CDH4: variants seen among roughly 807,000 people sequenced by gnomAD.
The protein encoded by CDH4 is cadherin-4.
Under a neutral mutation model 86.0 loss-of-function variants are expected in CDH4, and 33 were observed. That is an observed-to-expected ratio of 0.38 (90% confidence interval 0.29 to 0.51). The LOEUF (loss-of-function observed/expected upper bound fraction) is 0.51. Among genes scored for constraint, CDH4 ranks in the 20% least tolerant of loss-of-function variants. CDH4 has a pLI of 0.86. For synonymous variants in CDH4, 555 were observed against 549.4 expected, an observed-to-expected ratio of 1.01 and a Z score of -0.14; for missense variants, 1,114 against 1,307.4, an observed-to-expected ratio of 0.85 and a Z score of 2.28.
In CDH4 at chr20:61,934,150, G is replaced by A; in HGVS notation, c.2474G>A (p.Gly825Asp). 6.2e-7 allele frequency: 1 copy of A among 1,609,970 alleles called. No homozygotes were observed. Among genetic ancestry groups the A allele is most frequent in the Non-Finnish European group, 8.5e-7 (1 of 1,178,390 alleles). The change falls in exon 15 of 16, where the codon GGC (glycine) becomes GAC (aspartate). Residue 825 changes from glycine (G) to aspartate (D), a missense_variant. Coordinates refer to ENST00000614565, the MANE Select transcript of CDH4 (RefSeq NM_001794.5). ...GVRRVDERPV[G>D]AEPQYPIRPM... The stretch of plus-strand genomic sequence containing the variant: ...CGTCGCGTGGATGAGCGGCCGGTGG[G>A]CGCTGAGCCCCAGTACCCGATCAGG...
At chr20:61,788,153 C>T (rs527492480) in intron 4 of CDH4, among the ~76,000 whole-genome samples, 2 of 152,312 alleles carry the variant, frequency 1.3e-5, no homozygotes, top group Middle Eastern at 3.4e-3. Flanking sequence ...TTTAATGTCC[C>T]GCCCAGTAAA....
intron 2 of CDH4, among the ~76,000 whole-genome samples, chr20:61,711,006 C>T (rs944154729): frequency 1.3e-5 from 2 of 152,140 alleles, no homozygotes; most frequent in African/African-American, 4.8e-5. Context: ...TTGGCTGTGA[C>T]CCCACCCAAA....
At chr20:61,297,720 T>C (rs1267202044) in intron 2 of CDH4, among the ~76,000 whole-genome samples, 1 of 152,260 alleles carries the variant, frequency 6.6e-6, no homozygotes, top group Non-Finnish European at 1.5e-5. Flanking sequence ...TGCAGCGCAC[T>C]TTCCTGCCCT....
rs543558137 is a variant in CDH4 at position 61,541,999 on chromosome 20, A to G, written c.170-201564A>G. Among the ~76,000 whole-genome samples the G allele has an allele frequency of 5.3e-5, 8 of 152,346 alleles. No individual in the cohort carries two copies. In the South Asian group the frequency reaches 1.0e-3, roughly 20 times the overall value. ...GAGTGGAAGTGGTGCCTGCCACCAC[A>G]TGCCGAACCATTTAACTGACCTTGA... On this transcript the variant is annotated intron_variant, in intron 2 of 15. Transcript: ENST00000614565.
intron 2 of CDH4, among the ~76,000 whole-genome samples, chr20:61,418,282 C>T (rs1289085951): frequency 2.7e-5 from 4 of 150,822 alleles, no homozygotes; most frequent in Non-Finnish European, 5.9e-5. Context: ...ACCATCTCGG[C>T]TCACTGCAAG....
intron 3 of CDH4, among the ~76,000 whole-genome samples, chr20:61,752,417 T>A (rs2088509912): frequency 6.6e-6 from 1 of 151,684 alleles, no homozygotes; most frequent in Admixed American, 6.6e-5. Context: ...GGAAAGGACA[T>A]TTGCAGCACT....
At chr20:61,609,127 G>A (rs2145756639) in intron 2 of CDH4, among the ~76,000 whole-genome samples, 1 of 152,298 alleles carries the variant, frequency 6.6e-6, no homozygotes, top group South Asian at 2.1e-4. Context: ...ATACGAATGT[G>A]GCATAACATT....
At chr20:61,425,951 C>A (rs2085213068) in intron 2 of CDH4, among the ~76,000 whole-genome samples, 1 of 152,266 alleles carries the variant, frequency 6.6e-6, no homozygotes, top group African/African-American at 2.4e-5. Context: ...GTCCTCAGAT[C>A]ATCTGAAAAC....
At chr20:61,483,680 G>A (rs1052657125) in intron 2 of CDH4, among the ~76,000 whole-genome samples, 12 of 77,650 alleles carry the variant, frequency 1.5e-4, no homozygotes, top group East Asian at 4.3e-4. Context: ...CGCCCCCCCC[G>A]CCCCGCCCCC....
chr20:61,897,753 G>A (rs1298703206), intron 8 of CDH4, among the ~76,000 whole-genome samples: 1 of 152,242 alleles, frequency 6.6e-6, no homozygotes, highest in Non-Finnish European at 1.5e-5. Flanking sequence ...GCGCCTCCCA[G>A]AGATGGGCCA....
chr20:61,485,641 G>C (rs550917670), intron 2 of CDH4, among the ~76,000 whole-genome samples: 44 of 152,354 alleles, frequency 2.9e-4, no homozygotes, highest in African/African-American at 6.5e-4. Context: ...CCTCAGTGAA[G>C]CTGGTTCTCC....
rs566188666 is a variant in CDH4 at position 61,903,316 on chromosome 20, C to A, written c.1189-7106C>A. On this transcript the variant is annotated intron_variant, in intron 8 of 15. Coordinates refer to ENST00000614565, the MANE Select transcript of CDH4 (RefSeq NM_001794.5). ...ATCCCAGCACTTTGGGAGGCCGAGG[C>A]GGGCAGATCACCTGAGGTCAGGAGT... 2.6e-5 allele frequency among the ~76,000 whole-genome samples: 4 copies of A among 152,110 alleles called. No homozygotes were observed. In the South Asian group the frequency reaches 6.2e-4, roughly 24 times the overall value.
At chr20:61,376,583 G>A (rs552634326) in intron 2 of CDH4, among the ~76,000 whole-genome samples, 9 of 152,160 alleles carry the variant, frequency 5.9e-5, no homozygotes, top group African/African-American at 1.4e-4. Flanking sequence ...TACTCCAGGC[G>A]GAGTTCAGGT....
chr20:61,657,291 G>A (rs2087202630), intron 2 of CDH4, among the ~76,000 whole-genome samples: 1 of 152,200 alleles, frequency 6.6e-6, no homozygotes, highest in South Asian at 2.1e-4. Flanking sequence ...TACATGCTCT[G>A]AATTACGTAC....
intron 2 of CDH4, among the ~76,000 whole-genome samples, chr20:61,637,804 T>C (rs1886449229): frequency 1.3e-5 from 2 of 151,998 alleles, no homozygotes; most frequent in Admixed American, 6.6e-5. Flanking sequence ...GCGGATCACC[T>C]GAGGTCAGGA....
intron 4 of CDH4, among the ~76,000 whole-genome samples, chr20:61,794,252 T>C (rs564971941): frequency 3.9e-5 from 6 of 152,076 alleles, no homozygotes; most frequent in South Asian, 2.1e-4. Flanking sequence ...GAGTACTTCT[T>C]TGAGAGGTGG....
intron 2 of CDH4, among the ~76,000 whole-genome samples, chr20:61,413,460 G>A (rs1482850303): frequency 6.6e-6 from 1 of 152,106 alleles, no homozygotes; most frequent in African/African-American, 2.4e-5. Context: ...CTGGTGACCT[G>A]AGTCTGTAAC....
rs1314272099 is a variant in CDH4 at position 61,318,223 on chromosome 20, C to T, written c.169+63286C>T. On this transcript the variant is annotated intron_variant, in intron 2 of 15. Transcript: ENST00000614565. Reference sequence around the variant, plus strand: ...CCTGTTTAGACAGCAGTTTGCTTTGCGTTGACGACTCTCCCGTATGTTCCT... The same window carrying T: ...CCTGTTTAGACAGCAGTTTGCTTTGTGTTGACGACTCTCCCGTATGTTCCT... Among the ~76,000 whole-genome samples the T allele has an allele frequency of 3.3e-5, 5 of 152,148 alleles. No individual in the cohort carries two copies. The East Asian group carries it at 5.8e-4, about 18-fold the overall frequency.
rs187317242 is a variant in CDH4 at position 61,855,223 on chromosome 20, G to A, written c.877+2325G>A. On this transcript the variant is annotated intron_variant, in intron 6 of 15. Coordinates refer to ENST00000614565, the MANE Select transcript of CDH4 (RefSeq NM_001794.5). ...ACCCCCAGGGCTGCAGTGTGAACAG[G>A]GTGAATTGCGCCTTTGGTCTGCCCC... Among the ~76,000 whole-genome samples, 60 of 152,116 alleles carry A rather than the reference G, an allele frequency of 3.9e-4. No individual in the cohort carries two copies. In the East Asian group the frequency reaches 0.011, roughly 29 times the overall value.
Sources: gnomAD v4.1 joint callset for allele counts (sites outside exome capture counted in the v4.1 genomes callset) on GRCh38, gnomAD v4.1.1 for gene constraint, MANE v1.5 for transcripts, NCBI Gene and HGNC (gene_info 2026-07-23, HGNC 2026-07-21) for gene names.